SLC35F5: variants seen among roughly 807,000 people sequenced by gnomAD.
The protein encoded by SLC35F5 is solute carrier family 35 member F5, also known as HCV NS5A-transactivated protein 3.
A neutral mutation model predicts 68.6 loss-of-function variants in SLC35F5; 54 were observed. That is an observed-to-expected ratio of 0.79 (90% CI 0.63 to 0.99). The LOEUF (loss-of-function observed/expected upper bound fraction) is 0.99. Among genes scored for constraint, SLC35F5 ranks in the 50% least tolerant of loss-of-function variants. The pLI, the probability that SLC35F5 is intolerant of heterozygous loss-of-function variation, is 0.00. For synonymous variants in SLC35F5, 211 were observed against 205.2 expected, an observed-to-expected ratio of 1.03 and a Z score of -0.24; for missense variants, 567 against 626.9, an observed-to-expected ratio of 0.90 and a Z score of 1.02.
At chr2:113,718,928 AAAGAAAGG>A (rs1687309577) in intron 14 of SLC35F5, among the ~76,000 whole-genome samples, 1 of 42,450 alleles carries the variant, frequency 2.4e-5, no homozygotes, top group African/African-American at 6.9e-5. Flanking sequence ...AAAGAAAGAA[AAAGAAAGG>A]AAGAAAGGAA....
intron 3 of SLC35F5, among the ~76,000 whole-genome samples, chr2:113,753,231 T>A (rs56376185): frequency 0.5 from 67,548 of 134,394 alleles, 17,265 homozygotes; most frequent in Middle Eastern, 0.67. Context: ...CAAGCTGGAG[T>A]GCAATGGCAT....
intron 15 of SLC35F5, among the ~76,000 whole-genome samples, chr2:113,717,264 GGATA>G (rs1200517960): frequency 2.0e-5 from 3 of 152,100 alleles, no homozygotes; most frequent in Non-Finnish European, 4.4e-5. Context: ...CAGAGAATGA[GGATA>G]AACACTGTGC....
intron 4 of SLC35F5, 152 bp downstream of exon 4, chr2:113,750,273 T>C (rs948808593): frequency 3.5e-6 from 2 of 566,924 alleles, no homozygotes; most frequent in Middle Eastern, 3.9e-4. Context: ...ATTTAAAATT[T>C]TGGACAAGAG....
chr2:113,738,903 A>T (rs1383384215), intron 7 of SLC35F5, among the ~76,000 whole-genome samples: 2 of 152,180 alleles, frequency 1.3e-5, no homozygotes, highest in African/African-American at 2.4e-5. Context: ...TTACATCAAT[A>T]ATATGTTGAA....
At chr2:113,735,245 A>G (rs1688040815) in intron 8 of SLC35F5, among the ~76,000 whole-genome samples, 1 of 152,248 alleles carries the variant, frequency 6.6e-6, no homozygotes, top group African/African-American at 2.4e-5. Context: ...ATTTGAAGGA[A>G]CATAAATAGC....
chr2:113,736,120 T>C (rs1366460894), intron 7 of SLC35F5, among the ~76,000 whole-genome samples: 1 of 151,152 alleles, frequency 6.6e-6, no homozygotes, highest in Non-Finnish European at 1.5e-5. Flanking sequence ...TTTTAATGAG[T>C]AAAATCAAGT....
intron 9 of SLC35F5, among the ~76,000 whole-genome samples, chr2:113,733,207 C>T (rs1687962954): frequency 6.6e-6 from 1 of 152,060 alleles, no homozygotes; most frequent in Non-Finnish European, 1.5e-5. Flanking sequence ...CTCTGCAGTG[C>T]TAAAATGGCC....
chr2:113,756,309 G>C, intron 1 of SLC35F5, 61 bp downstream of exon 1: 2 of 1,550,634 alleles, frequency 1.3e-6, no homozygotes, highest in South Asian at 2.4e-5. Flanking sequence ...TGGTGCTGCT[G>C]GTGGGCACTC....
chr2:113,731,455 C>A, intron 10 of SLC35F5, 129 bp downstream of exon 10: 2 of 603,298 alleles, frequency 3.3e-6, no homozygotes, highest in Non-Finnish European at 5.9e-6. Context: ...ATGTTATTTC[C>A]AAAGGAAAAG....
In SLC35F5 at chr2:113,712,341, C is replaced by G. The variant is rs1003589358; in HGVS notation, c.*2877G>C. On this transcript the variant is annotated 3_prime_UTR_variant, in exon 16 of 16. Coordinates refer to ENST00000245680, the MANE Select transcript of SLC35F5 (RefSeq NM_025181.5). ...GTATTCACTTTTTTTTTTTTTGAGA[C>G]GGAGTCTCGCTGTCGCCCAGGCTGG... 9.3e-5 allele frequency among the ~76,000 whole-genome samples: 14 copies of G among 150,936 alleles called. No individual in the cohort carries two copies. The highest frequency in any genetic ancestry group is 2.0e-4 in the Admixed American group (3 of 15,210).
intron 5 of SLC35F5, among the ~76,000 whole-genome samples, chr2:113,744,730 G>A (rs1676418027): frequency 6.6e-6 from 1 of 152,156 alleles, no homozygotes; most frequent in African/African-American, 2.4e-5. Context: ...TCCAGCTTGG[G>A]TGACAGAGCG....
intron 13 of SLC35F5, among the ~76,000 whole-genome samples, chr2:113,720,493 T>C (rs987298298): frequency 6.6e-6 from 1 of 152,154 alleles, no homozygotes; most frequent in Non-Finnish European, 1.5e-5. Context: ...TAACTGACAA[T>C]TTTTAACATG....
At chr2:113,740,096 T>G (rs1183917913) in intron 7 of SLC35F5, among the ~76,000 whole-genome samples, 2 of 152,212 alleles carry the variant, frequency 1.3e-5, no homozygotes, top group African/African-American at 4.8e-5. Flanking sequence ...AAAATCTGTG[T>G]GTAAGCATAC....
intron 3 of SLC35F5, among the ~76,000 whole-genome samples, chr2:113,754,671 T>C (rs1400450093): frequency 1.3e-5 from 2 of 152,198 alleles, no homozygotes. Flanking sequence ...TTATGAGGTA[T>C]ACCATGCATC....
At chr2:113,732,006 A>ATGTGC (rs1478781993) in intron 9 of SLC35F5, among the ~76,000 whole-genome samples, 1 of 152,150 alleles carries the variant, frequency 6.6e-6, no homozygotes, top group African/African-American at 2.4e-5. Flanking sequence ...CAGTGCTTTT[A>ATGTGC]TGTGCTATGC....
downstream of SLC35F5, among the ~76,000 whole-genome samples, chr2:113,703,117 T>A (rs79617303): frequency 3.2e-4 from 28 of 87,212 alleles, no homozygotes; most frequent in Middle Eastern, 0.013. Context: ...CTCAAAAAAA[T>A]AAATAAATAA....
intron 9 of SLC35F5, chr2:113,733,311 G>A (rs1194026006): frequency 3.7e-6 from 1 of 272,096 alleles, no homozygotes; most frequent in African/African-American, 2.4e-5. Context: ...GCCAACCTCT[G>A]TTCGTCTACC....
intron 3 of SLC35F5, among the ~76,000 whole-genome samples, chr2:113,751,983 G>A (rs536955286): frequency 6.6e-5 from 10 of 152,172 alleles, no homozygotes; most frequent in Middle Eastern, 3.4e-3. Context: ...AGGCCAAGGC[G>A]GGTGGATCAC....
chr2:113,743,585 G>T, intron 6 of SLC35F5, 128 bp downstream of exon 6: 1 of 591,350 alleles, frequency 1.7e-6, no homozygotes, highest in Non-Finnish European at 3.0e-6. Context: ...ACTTCTAGAA[G>T]ACTATAGGCT....
Sources: allele counts gnomAD v4.1 joint callset (sites outside exome capture counted in the v4.1 genomes callset), GRCh38; gene constraint gnomAD v4.1.1; transcripts MANE v1.5; gene names NCBI Gene and HGNC (gene_info 2026-07-23, HGNC 2026-07-21).